Variants in VSTM1 observed in about 807,000 individuals in gnomAD.
VSTM1 encodes V-set and transmembrane domain-containing protein 1.
VSTM1 carries 27 observed loss-of-function variants against 33.1 expected under a neutral mutation model. That is an observed-to-expected ratio of 0.82 (90% CI 0.60 to 1.12). The LOEUF is 1.12. VSTM1 is among the 50% of genes most tolerant of loss of function. The probability of loss-of-function intolerance (pLI) is 0.00; values close to 1 mark genes in which losing one functional copy is unlikely to be tolerated. For synonymous variants in VSTM1, 115 were observed against 110.3 expected (o/e 1.04, Z -0.27); for missense variants, 304 against 288.9 (o/e 1.05, Z -0.38).
chr19:54,051,393 C>G lies in VSTM1; in HGVS notation c.394+17G>C. The G allele has an allele frequency of 4.4e-6, 7 of 1,598,098 alleles. No individual in the cohort carries two copies. The highest frequency in any genetic ancestry group is 6.0e-6 in the Non-Finnish European group (7 of 1,174,080). ...CAGATCTCATTGGGAAAAACATCTCCTTTCTAATTATCTTACCTGTTTTCA... is the reference window on the plus strand; with the variant it reads ...CAGATCTCATTGGGAAAAACATCTCGTTTCTAATTATCTTACCTGTTTTCA... On this transcript the variant is annotated intron_variant, in intron 4 of 8. Transcript: ENST00000338372.
At position 54,040,943 on chromosome 19, in the gene VSTM1, G is replaced by A. The variant is rs373756909; in HGVS notation, c.*18C>T. ...CAGCACGATCCCCCCTCCTTTAGTG[G>A]CCAGGGCTGTCTTCTTGCTACACTT... On this transcript the variant is annotated 3_prime_UTR_variant, in exon 9 of 9. Transcript: ENST00000338372. 6 of 1,604,970 alleles carry A rather than the reference G, an allele frequency of 3.7e-6. No individual in the cohort carries two copies. In the Admixed American group the frequency reaches 6.8e-5, roughly 18 times the overall value.
intron 3 of VSTM1, 88 bp from the exon 4 acceptor site, chr19:54,051,536 CT>C: frequency 9.6e-7 from 1 of 1,046,486 alleles, no homozygotes; most frequent in Non-Finnish European, 1.4e-6. Flanking sequence ...TATAGACATC[CT>C]GTTCTTCTTT....
At chr19:54,052,568 T>G (rs1334793375) in intron 3 of VSTM1, among the ~76,000 whole-genome samples, 2 of 141,122 alleles carry the variant, frequency 1.4e-5, no homozygotes, top group African/African-American at 5.2e-5. Flanking sequence ...GCATGATATA[T>G]GCGGAGATGT....
intron 4 of VSTM1, among the ~76,000 whole-genome samples, chr19:54,042,855 T>C (rs541050612): frequency 6.2e-4 from 82 of 132,762 alleles, no homozygotes; most frequent in East Asian, 1.2e-3. Context: ...TATATATATA[T>C]ACACACTTTT....
intron 4 of VSTM1, among the ~76,000 whole-genome samples, chr19:54,048,040 A>G (rs1412184652): frequency 1.3e-5 from 2 of 152,146 alleles, no homozygotes; most frequent in Non-Finnish European, 2.9e-5. Flanking sequence ...TTGAACATAG[A>G]GTCGTTTTCT....
intron 3 of VSTM1, among the ~76,000 whole-genome samples, chr19:54,053,702 T>A (rs1181957075): frequency 2.1e-5 from 3 of 142,022 alleles, no homozygotes; most frequent in African/African-American, 7.8e-5. Context: ...TCAGCTAAGC[T>A]GTGCCTGGAC....
intron 1 of VSTM1, among the ~76,000 whole-genome samples, chr19:54,059,424 T>C (rs925170630): frequency 7.2e-5 from 11 of 152,112 alleles, no homozygotes; most frequent in African/African-American, 2.7e-4. Flanking sequence ...CTAGAAATTG[T>C]TCAACATTCA....
rs1442687866 is a variant in VSTM1 at position 54,055,048 on chromosome 19, AATT to A, written c.355+3255_355+3257del. The stretch of plus-strand genomic sequence containing the variant: ...AAATGGGTAGATGAAAGTGATGCAA[AATT>A]ATTCTTTATCCCTCTTCCTTGGGAT... On this transcript the variant is annotated intron_variant, in intron 3 of 8. Transcript: ENST00000338372. 1.0e-4 allele frequency among the ~76,000 whole-genome samples: 14 copies of A among 139,526 alleles called. No individual in the cohort carries two copies. In the East Asian group the frequency reaches 2.8e-3, roughly 28 times the overall value. The allele number at this position is 139,526 out of a possible 152,430, so 91.5% of individuals were successfully genotyped here.
rs145977598 is a variant in VSTM1 at position 54,041,894 on chromosome 19, T to A, written c.553+22A>T. On this transcript the variant is annotated intron_variant, in intron 7 of 8. Coordinates refer to ENST00000338372, the MANE Select transcript of VSTM1 (RefSeq NM_198481.4). ...TTAGTCTTTCTATCCGGTGATTCCC[T>A]TAAACTTCCCCTGTCCCTTACCGGC... 3.2e-5 allele frequency: 51 copies of A among 1,614,138 alleles called. No homozygotes were observed. The Middle Eastern group carries it at 8.2e-4, about 26-fold the overall frequency.
chr19:54,045,955 T>C lies in VSTM1; in HGVS notation c.395-3586A>G, dbSNP rs2146055206. Among the ~76,000 whole-genome samples the C allele has an allele frequency of 1.3e-5, 2 of 152,282 alleles. 1 individual carries two copies. The highest frequency in any genetic ancestry group is 4.1e-4 in the South Asian group (2 of 4,832). The stretch of plus-strand genomic sequence containing the variant: ...ATCTATCATCTAGCTAGCTAGCTAA[T>C]CTATCTGTATCTATCTACCTACTTA... On this transcript the variant is annotated intron_variant, in intron 4 of 8. Transcript: ENST00000338372.
In VSTM1 at chr19:54,063,740, T is replaced by C. The variant is rs777194675; in HGVS notation, c.34+4A>G. ...GCCCATTCGTCCCAGTCCTGGAGAC[T>C]CACCGAGGCAAAGCAGGGAGAGGAA... is the stretch of plus-strand genomic sequence containing the variant. On this transcript the variant is annotated splice_donor_region_variant and intron_variant, in intron 1 of 8. Coordinates refer to ENST00000338372, the MANE Select transcript of VSTM1 (RefSeq NM_198481.4). The C allele has an allele frequency of 7.4e-6, 12 of 1,613,642 alleles. No individual in the cohort carries two copies. Among genetic ancestry groups the C allele is most frequent in the African/African-American group, 5.3e-5 (4 of 74,904 alleles).
chr19:54,045,710 C>T (rs2070545985), intron 4 of VSTM1, among the ~76,000 whole-genome samples: 1 of 151,988 alleles, frequency 6.6e-6, no homozygotes, highest in African/African-American at 2.4e-5. Context: ...ATCTATCCAC[C>T]TACTTATCTA....
At chr19:54,049,721 C>G (rs2070748981) in intron 4 of VSTM1, among the ~76,000 whole-genome samples, 1 of 152,086 alleles carries the variant, frequency 6.6e-6, no homozygotes. Context: ...ATTTCCCAAG[C>G]CTACTATCAT....
At chr19:54,062,536 A>G (rs2071443667) in intron 1 of VSTM1, among the ~76,000 whole-genome samples, 1 of 152,058 alleles carries the variant, frequency 6.6e-6, no homozygotes, top group Non-Finnish European at 1.5e-5. Flanking sequence ...CAGCCTGGCC[A>G]ACATGGTGAA....
chr19:54,041,983 G>A (rs1352740256), intron 6 of VSTM1, 30 bp from the exon 7 acceptor site: 7 of 1,614,064 alleles, frequency 4.3e-6, no homozygotes, highest in South Asian at 1.1e-5. Flanking sequence ...GTGAAAGGAT[G>A]GGATGTGAAG....
chr19:54,050,692 C>A (rs1456988393), intron 4 of VSTM1, among the ~76,000 whole-genome samples: 3 of 152,100 alleles, frequency 2.0e-5, no homozygotes, highest in African/African-American at 7.2e-5. Flanking sequence ...CTTTAAAGTT[C>A]TTCTAGGCCG....
chr19:54,040,847 TA>T lies in VSTM1; in HGVS notation c.*113del. On this transcript the variant is annotated 3_prime_UTR_variant, in exon 9 of 9. Transcript: ENST00000338372. ...AGATTTCTTTTTAAGACGAGAAACTTAATTTTATTGATATGGACGAAGAGCA... is the reference window on the plus strand; with the variant it reads ...AGATTTCTTTTTAAGACGAGAAACTTATTTTATTGATATGGACGAAGAGCA... The T allele has an allele frequency of 6.5e-6, 9 of 1,392,176 alleles. No individual in the cohort carries two copies. In the South Asian group the frequency reaches 1.0e-4, roughly 16 times the overall value. 86.2% of individuals were successfully genotyped at this position (1,392,176 alleles called of 1,614,324 possible). A position where few individuals can be genotyped will look rare whatever the true frequency, so the allele number is the denominator to read the frequency against.
At position 54,060,937 on chromosome 19, in the gene VSTM1, C is replaced by T. The variant is rs147770727; in HGVS notation, c.35-2205G>A. ...AACACCTGAGTTCAAGTGATTCTCCCACCTTGGCCTCCCAACATGCTGGGA... is the reference window on the plus strand; with the variant it reads ...AACACCTGAGTTCAAGTGATTCTCCTACCTTGGCCTCCCAACATGCTGGGA... On this transcript the variant is annotated intron_variant, in intron 1 of 8. Transcript: ENST00000338372. Among the ~76,000 whole-genome samples, 6 of 152,152 alleles carry T rather than the reference C, an allele frequency of 3.9e-5. No homozygotes were observed. In the East Asian group the frequency reaches 1.2e-3, roughly 29 times the overall value.
chr19:54,042,809 T>TAC (rs1555752310), intron 4 of VSTM1, among the ~76,000 whole-genome samples: 2 of 30,478 alleles, frequency 6.6e-5, no homozygotes, highest in Admixed American at 3.5e-4. Context: ...TAAATGTGTA[T>TAC]ATATATATAT....
Sources: allele counts gnomAD v4.1 joint callset (sites outside exome capture counted in the v4.1 genomes callset), GRCh38; gene constraint gnomAD v4.1.1; transcripts MANE v1.5; gene names NCBI Gene and HGNC (gene_info 2026-07-23, HGNC 2026-07-21).